Variants in S100A8 observed in about 807,000 individuals in gnomAD.
S100A8 encodes the protein protein S100-A8.
S100A8 carries 1 observed loss-of-function variant against 4.2 expected under a neutral mutation model. The observed-to-expected ratio is 0.24, with a 90% CI of 0.08 to 1.12. The LOEUF (loss-of-function observed/expected upper bound fraction) is 1.12. S100A8 is among the 50% of genes most tolerant of loss of function. S100A8 has a pLI of 0.53. For missense variants in S100A8, 96 were observed against 111.8 expected (o/e 0.86, Z 0.64); for synonymous variants, 41 against 44.7 (o/e 0.92, Z 0.33).
chr1:153,415,758 C>T, the S100A8 span, among the ~76,000 whole-genome samples: 1 of 152,056 alleles, frequency 6.6e-6, no homozygotes, highest in Admixed American at 6.5e-5. Context: ...GATAGTGAGG[C>T]CCCTGACCCC....
chr1:153,396,619 C>A, the S100A8 span: 1 of 152,372 alleles, frequency 6.6e-6, no homozygotes, highest in African/African-American at 2.4e-5. Context: ...GGCACAGTAG[C>A]GGGCACACAG....
At chr1:153,394,547 G>A (rs376283650), upstream of S100A8, among the ~76,000 whole-genome samples, 41 of 152,236 alleles carry the variant, frequency 2.7e-4, 1 homozygote, top group South Asian at 8.1e-3. Context: ...CTGTCTCGGC[G>A]GAGAGTACAA....
At chr1:153,418,994 A>T in the S100A8 span, 1 of 792,218 alleles carries the variant, frequency 1.3e-6, no homozygotes, top group African/African-American at 1.8e-5. Context: ...CCTCACCCCA[A>T]CTTCACCCAC....
the S100A8 span, among the ~76,000 whole-genome samples, chr1:153,401,588 T>C: frequency 6.6e-6 from 1 of 152,144 alleles, no homozygotes; most frequent in Non-Finnish European, 1.5e-5. Context: ...CAATGTCCCG[T>C]GACATCCAGA....
intron 1 of S100A8, 23 bp from the exon 2 acceptor site, chr1:153,390,580 G>A (rs1662068240): frequency 1.9e-6 from 3 of 1,611,288 alleles, no homozygotes; most frequent in African/African-American, 2.7e-5. Flanking sequence ...ACCTTCTGGG[G>A]AATCCCATGG....
the S100A8 span, among the ~76,000 whole-genome samples, chr1:153,406,823 T>C: frequency 2.0e-5 from 3 of 152,178 alleles, no homozygotes; most frequent in Non-Finnish European, 4.4e-5. Flanking sequence ...GGTGGGTTTA[T>C]GGAGAGTGTT....
chr1:153,417,619 G>A, the S100A8 span, among the ~76,000 whole-genome samples: 3 of 152,222 alleles, frequency 2.0e-5, no homozygotes, highest in Non-Finnish European at 2.9e-5. Flanking sequence ...AGCAGCCGAG[G>A]AGGGTCAGAC....
At chr1:153,396,455 A>T in the S100A8 span, 1 of 152,786 alleles carries the variant, frequency 6.5e-6, no homozygotes, top group Non-Finnish European at 1.5e-5. Flanking sequence ...TTCCACAGAC[A>T]TGTACACACA....
At chr1:153,391,807 C>T (rs1001808861), upstream of S100A8, among the ~76,000 whole-genome samples, 2 of 152,268 alleles carry the variant, frequency 1.3e-5, no homozygotes, top group Non-Finnish European at 1.5e-5. Flanking sequence ...ATAAACACAG[C>T]AGGGAGCCTT....
chr1:153,395,408 T>A (rs866829211), upstream of S100A8, among the ~76,000 whole-genome samples: 1 of 152,160 alleles, frequency 6.6e-6, no homozygotes, highest in Non-Finnish European at 1.5e-5. Context: ...CCCATGCCAA[T>A]CGCCAGCACC....
At chr1:153,412,678 T>C in the S100A8 span, among the ~76,000 whole-genome samples, 2 of 152,178 alleles carry the variant, frequency 1.3e-5, no homozygotes, top group Non-Finnish European at 2.9e-5. Flanking sequence ...TAAAGACACA[T>C]GCACACGTAT....
the S100A8 span, among the ~76,000 whole-genome samples, chr1:153,409,529 G>A: frequency 2.6e-5 from 4 of 152,160 alleles, no homozygotes; most frequent in Non-Finnish European, 5.9e-5. Context: ...AATAATAATG[G>A]GAGACTTTAA....
chr1:153,396,227 C>G, the S100A8 span, among the ~76,000 whole-genome samples: 1 of 148,014 alleles, frequency 6.8e-6, no homozygotes, highest in Non-Finnish European at 1.5e-5. Flanking sequence ...GCTGTGTCTC[C>G]CCCTCAAAAA....
At chr1:153,395,410 G>T (rs1425740381), upstream of S100A8, among the ~76,000 whole-genome samples, 1 of 152,068 alleles carries the variant, frequency 6.6e-6, no homozygotes, top group Admixed American at 6.5e-5. Flanking sequence ...CATGCCAATC[G>T]CCAGCACCTG....
At chr1:153,408,064 TCTC>T in the S100A8 span, among the ~76,000 whole-genome samples, 6 of 152,242 alleles carry the variant, frequency 3.9e-5, no homozygotes, top group South Asian at 1.2e-3. Flanking sequence ...GAGCACCTCT[TCTC>T]CTCCAAAGGA....
chr1:153,419,174 T>C, the S100A8 span: 6,987 of 1,614,158 alleles, frequency 4.3e-3, 252 homozygotes, highest in African/African-American at 0.078. Context: ...ACCTCGCCAC[T>C]GTCTTTGAGA....
At chr1:153,406,733 A>G in the S100A8 span, among the ~76,000 whole-genome samples, 2 of 152,082 alleles carry the variant, frequency 1.3e-5, no homozygotes, top group Non-Finnish European at 2.9e-5. Flanking sequence ...AACCAGCCAA[A>G]TTCCTGTTCA....
chr1:153,394,515 C>T (rs1319423376), upstream of S100A8, among the ~76,000 whole-genome samples: 1 of 152,056 alleles, frequency 6.6e-6, no homozygotes, highest in Non-Finnish European at 1.5e-5. Flanking sequence ...ACCTGCTGAG[C>T]GTTTATGGGG....
the S100A8 span, among the ~76,000 whole-genome samples, chr1:153,416,946 C>T: frequency 6.6e-6 from 1 of 152,188 alleles, no homozygotes; most frequent in Admixed American, 6.5e-5. Flanking sequence ...GATAAGGATC[C>T]CCTGTGAATG....
Sources: allele counts gnomAD v4.1 joint callset (sites outside exome capture counted in the v4.1 genomes callset), GRCh38; gene constraint gnomAD v4.1.1; transcripts MANE v1.5; gene names NCBI Gene and HGNC (gene_info 2026-07-23, HGNC 2026-07-21).